The following EPHA6 variants were observed in gnomAD, a reference collection of about 807,000 sequenced individuals.
EPHA6 encodes ephrin type-A receptor 6.
A neutral mutation model predicts 112.0 loss-of-function variants in EPHA6; 50 were observed. The observed-to-expected ratio is 0.45, with a 90% confidence interval of 0.36 to 0.56. The LOEUF is 0.56. Among genes scored for constraint, EPHA6 ranks in the 20% least tolerant of loss-of-function variants. The pLI is 0.00. For synonymous variants in EPHA6, 529 were observed against 490.7 expected, an observed-to-expected ratio of 1.08 and a Z score of -1.03; for missense variants, 1,280 against 1,417.4, an observed-to-expected ratio of 0.90 and a Z score of 1.56.
At chr3:97,548,359 C>T (rs1222593695) in intron 11 of EPHA6, among the ~76,000 whole-genome samples, 1 of 152,156 alleles carries the variant, frequency 6.6e-6, no homozygotes, top group Non-Finnish European at 1.5e-5. Context: ...GCATGGAGCA[C>T]TTGATTAAGA....
chr3:97,623,114 A>C lies in EPHA6; in HGVS notation c.2574+12260A>C, dbSNP rs535980221. Among the ~76,000 whole-genome samples the C allele has an allele frequency of 4.0e-5, 6 of 151,842 alleles. No individual in the cohort carries two copies. The East Asian group carries it at 7.8e-4, about 20-fold the overall frequency. On this transcript the variant is annotated intron_variant, in intron 13 of 17. Coordinates refer to ENST00000389672, the MANE Select transcript of EPHA6 (RefSeq NM_001080448.3). ...CAAAAGTTTTTAAGTTTCATGTGGCACAGTTTGTCAGTTTTTTCTTTTGTT... is the reference window on the plus strand; with the variant it reads ...CAAAAGTTTTTAAGTTTCATGTGGCCCAGTTTGTCAGTTTTTTCTTTTGTT...
chr3:97,170,089 C>T (rs2076657267), intron 3 of EPHA6, among the ~76,000 whole-genome samples: 1 of 150,932 alleles, frequency 6.6e-6, no homozygotes, highest in Non-Finnish European at 1.5e-5. Flanking sequence ...ATGTAACAAA[C>T]CTGCACATTT....
chr3:97,127,865 C>G (rs4857241), intron 3 of EPHA6, among the ~76,000 whole-genome samples: 1 of 151,628 alleles, frequency 6.6e-6, no homozygotes, highest in Admixed American at 6.6e-5. Flanking sequence ...ATTCAATATT[C>G]TTTAGTTTTT....
intron 14 of EPHA6, among the ~76,000 whole-genome samples, chr3:97,717,808 A>C (rs1262827954): frequency 6.6e-6 from 1 of 152,220 alleles, no homozygotes; most frequent in African/African-American, 2.4e-5. Flanking sequence ...AACCGTATGA[A>C]GGAAAGTGAT....
At chr3:96,824,246 G>A (rs1315218646) in intron 1 of EPHA6, among the ~76,000 whole-genome samples, 2 of 151,596 alleles carry the variant, frequency 1.3e-5, no homozygotes, top group East Asian at 3.9e-4. Context: ...TTTAAGGTTA[G>A]TAATCTAAAG....
intron 5 of EPHA6, among the ~76,000 whole-genome samples, chr3:97,258,672 A>T (rs2079397422): frequency 6.6e-6 from 1 of 152,050 alleles, no homozygotes; most frequent in Non-Finnish European, 1.5e-5. Context: ...ATGTATAGAG[A>T]TGGGAAACAG....
chr3:97,104,303 A>G (rs2047498269), intron 3 of EPHA6, among the ~76,000 whole-genome samples: 1 of 151,956 alleles, frequency 6.6e-6, no homozygotes, highest in African/African-American at 2.4e-5. Flanking sequence ...GGCTCTTACT[A>G]TTTCGTGATA....
At chr3:97,292,989 G>A (rs1237492138) in intron 5 of EPHA6, among the ~76,000 whole-genome samples, 1 of 151,806 alleles carries the variant, frequency 6.6e-6, no homozygotes, top group African/African-American at 2.4e-5. Context: ...GAAGACCCAT[G>A]GTGTCTAACT....
chr3:96,960,878 C>T (rs114159957), intron 2 of EPHA6, among the ~76,000 whole-genome samples: 3 of 152,252 alleles, frequency 2.0e-5, no homozygotes, highest in African/African-American at 7.2e-5. Flanking sequence ...TCATATCAAT[C>T]GACTCTGTTT....
chr3:97,624,578 GTCTC>G lies in EPHA6; in HGVS notation c.2575-13290_2575-13287del, dbSNP rs1454147045. On this transcript the variant is annotated intron_variant, in intron 13 of 17. Transcript: ENST00000389672. The stretch of plus-strand genomic sequence containing the variant: ...TAATGTTCATGGAATGAATCAAAAT[GTCTC>G]TCTCCTCTTCAATTTTTCAGGATGA... Among the ~76,000 whole-genome samples the G allele has an allele frequency of 8.6e-5, 13 of 151,562 alleles. No individual in the cohort carries two copies. In the East Asian group the frequency reaches 2.3e-3, roughly 27 times the overall value.
intron 14 of EPHA6, among the ~76,000 whole-genome samples, chr3:97,685,527 G>T (rs771973596): frequency 9.2e-5 from 14 of 152,106 alleles, no homozygotes; most frequent in Non-Finnish European, 1.5e-4. Context: ...TGGACATAAT[G>T]TAGAGACTTA....
intron 14 of EPHA6, among the ~76,000 whole-genome samples, chr3:97,711,403 A>G (rs1308740437): frequency 1.3e-5 from 2 of 151,838 alleles, no homozygotes; most frequent in Non-Finnish European, 2.9e-5. Context: ...AAACAGAACC[A>G]TTAGGATATA....
At chr3:96,932,991 T>C (rs1437045015) in intron 2 of EPHA6, among the ~76,000 whole-genome samples, 3 of 152,114 alleles carry the variant, frequency 2.0e-5, no homozygotes, top group Admixed American at 6.6e-5. Context: ...TGGTACAGGG[T>C]GCAGAGTCTA....
intron 3 of EPHA6, among the ~76,000 whole-genome samples, chr3:97,139,369 C>T (rs546592206): frequency 4.2e-4 from 64 of 152,262 alleles, no homozygotes; most frequent in Non-Finnish European, 8.1e-4. Context: ...CACTCTTACT[C>T]ACAAGTACCA....
chr3:97,243,846 A>G, intron 4 of EPHA6, 106 bp from the exon 5 acceptor site: 1 of 845,060 alleles, frequency 1.2e-6, no homozygotes, highest in South Asian at 1.9e-5. Context: ...AAAGAGTTCA[A>G]ACTAACATAA....
At chr3:97,742,933 C>T (rs957803124) in intron 16 of EPHA6, among the ~76,000 whole-genome samples, 3 of 151,966 alleles carry the variant, frequency 2.0e-5, no homozygotes, top group African/African-American at 4.8e-5. Flanking sequence ...CCCTGAGTCA[C>T]GAGATGAGGA....
At chr3:97,420,893 G>T (rs2088568583) in intron 6 of EPHA6, among the ~76,000 whole-genome samples, 1 of 151,174 alleles carries the variant, frequency 6.6e-6, no homozygotes, top group Admixed American at 6.6e-5. Context: ...AGGAATGCAT[G>T]AGTATTTTAA....
At chr3:97,607,309 T>G (rs929220350) in intron 12 of EPHA6, among the ~76,000 whole-genome samples, 2 of 151,060 alleles carry the variant, frequency 1.3e-5, no homozygotes, top group South Asian at 4.1e-4. Flanking sequence ...AGTCTTATGA[T>G]TATATAGTTT....
At chr3:96,995,640 A>G (rs1313234875) in intron 3 of EPHA6, among the ~76,000 whole-genome samples, 1 of 152,194 alleles carries the variant, frequency 6.6e-6, no homozygotes, top group African/African-American at 2.4e-5. Flanking sequence ...TGCAAGTCAC[A>G]TGAATATTTT....
Sources: gnomAD v4.1 joint callset for allele counts (sites outside exome capture counted in the v4.1 genomes callset) on GRCh38, gnomAD v4.1.1 for gene constraint, MANE v1.5 for transcripts, NCBI Gene and HGNC (gene_info 2026-07-23, HGNC 2026-07-21) for gene names.